The following MYRIP variants were observed in gnomAD, a reference collection of about 807,000 sequenced individuals.
MYRIP encodes rab effector MyRIP.
In MYRIP, 49 loss-of-function variants were observed where a neutral mutation model predicts 98.0. That is an observed-to-expected ratio of 0.50 (90% CI 0.40 to 0.63). MYRIP has a LOEUF of 0.63. MYRIP is among the 30% of genes least tolerant of loss of function. MYRIP has a pLI of 0.00. For missense variants in MYRIP, 1,004 were observed against 1,058.2 expected (o/e 0.95, Z 0.71); for synonymous variants, 404 against 409.5 (o/e 0.99, Z 0.16).
In MYRIP at chr3:40,258,414, G is replaced by A; in HGVS notation, c.*248G>A. ...ATCCAAGACAGAAAATGAAGACACT[G>A]GCTTCCAACAGCAGCGCTCCATGTT... On this transcript the variant is annotated 3_prime_UTR_variant, in exon 17 of 17. Transcript: ENST00000302541. 1 of 473,104 alleles carries A rather than the reference G, an allele frequency of 2.1e-6. No individual in the cohort carries two copies. The highest frequency in any genetic ancestry group is 4.4e-5 in the South Asian group (1 of 22,526). 29.3% of individuals were successfully genotyped at this position (473,104 alleles called of 1,614,324 possible).
intron 1 of MYRIP, among the ~76,000 whole-genome samples, chr3:39,878,593 C>T (rs1943074724): frequency 6.6e-6 from 1 of 151,780 alleles, no homozygotes; most frequent in African/African-American, 2.4e-5. Context: ...TATATATATA[C>T]ATTTGTATGT....
Position 39,831,221 on chromosome 3 carries a change from C to A in MYRIP, c.-31+21305C>A, listed in dbSNP as rs139341686. ...CTTTACCTGTTTATTTATCTTACCT[C>A]CTATAGACTCATCTTGTTTCATGGT... On this transcript the variant is annotated intron_variant, in intron 1 of 16. Transcript: ENST00000302541. 8.5e-3 allele frequency among the ~76,000 whole-genome samples: 1,291 copies of A among 152,224 alleles called. 44 individuals carry two copies. The highest frequency in any genetic ancestry group is 0.066 in the Admixed American group (1,012 of 15,278).
At chr3:40,192,739 C>A (rs1467742066) in intron 10 of MYRIP, among the ~76,000 whole-genome samples, 1 of 152,104 alleles carries the variant, frequency 6.6e-6, no homozygotes, top group Non-Finnish European at 1.5e-5. Flanking sequence ...GATTTTGTTA[C>A]CTGCAACAAG....
At position 39,870,977 on chromosome 3, in the gene MYRIP, G is replaced by A. The variant is rs77557012; in HGVS notation, c.-30-29810G>A. Among the ~76,000 whole-genome samples, 1,508 of 152,292 alleles carry A rather than the reference G, an allele frequency of 9.9e-3. 26 individuals carry two copies. Among genetic ancestry groups the A allele is most frequent in the African/African-American group, 0.035 (1,446 of 41,564 alleles). On this transcript the variant is annotated intron_variant, in intron 1 of 16. Coordinates refer to ENST00000302541, the MANE Select transcript of MYRIP (RefSeq NM_015460.4). The stretch of plus-strand genomic sequence containing the variant: ...ATTCCTGCCAAAGAAAAGATGAAGT[G>A]TATATACTAGCTGAGGATATTATTC...
At chr3:39,865,873 A>T (rs1040908501) in intron 1 of MYRIP, among the ~76,000 whole-genome samples, 1 of 152,210 alleles carries the variant, frequency 6.6e-6, no homozygotes, top group Non-Finnish European at 1.5e-5. Context: ...GTACAGGCAT[A>T]TGTTCATTGC....
intron 11 of MYRIP, among the ~76,000 whole-genome samples, chr3:40,231,480 G>A (rs1482141804): frequency 6.6e-6 from 1 of 152,178 alleles, no homozygotes; most frequent in Non-Finnish European, 1.5e-5. Flanking sequence ...TCTCACAGGA[G>A]GTATTCCAGG....
intron 3 of MYRIP, among the ~76,000 whole-genome samples, chr3:40,135,192 C>T (rs1949737266): frequency 6.6e-6 from 1 of 152,054 alleles, no homozygotes; most frequent in African/African-American, 2.4e-5. Flanking sequence ...CCTTAAAGGA[C>T]CTGATGGAGC....
chr3:40,243,400 TA>T (rs10655936), intron 12 of MYRIP, among the ~76,000 whole-genome samples: 57 of 135,092 alleles, frequency 4.2e-4, no homozygotes, highest in Admixed American at 5.2e-4. Flanking sequence ...TCACTAAGTG[TA>T]AAAAAAAAAA....
chr3:39,997,109 T>C (rs1432562034), intron 2 of MYRIP, among the ~76,000 whole-genome samples: 2 of 151,898 alleles, frequency 1.3e-5, no homozygotes, highest in African/African-American at 4.8e-5. Context: ...CACCCTAACA[T>C]CACAATTAAA....
At chr3:40,199,498 G>A (rs1362658529) in intron 10 of MYRIP, among the ~76,000 whole-genome samples, 1 of 152,156 alleles carries the variant, frequency 6.6e-6, no homozygotes, top group Non-Finnish European at 1.5e-5. Flanking sequence ...ACAAGTGCTT[G>A]TGAGGCATGC....
At chr3:40,170,136 G>T in intron 8 of MYRIP, 43 bp downstream of exon 8, 3 of 1,605,764 alleles carry the variant, frequency 1.9e-6, no homozygotes, top group Non-Finnish European at 2.6e-6. Flanking sequence ...ACACGTGCAG[G>T]TCTGGGGCAC....
intron 4 of MYRIP, among the ~76,000 whole-genome samples, chr3:40,159,673 TCTTGGAGG>T (rs1258501785): frequency 6.6e-6 from 1 of 152,160 alleles, no homozygotes; most frequent in Admixed American, 6.5e-5. Flanking sequence ...GTCCCATATT[TCTTGGAGG>T]CTTTGCTCAT....
In MYRIP at chr3:40,251,794, C is replaced by G. The variant is rs976097108; in HGVS notation, c.2429-87C>G. On this transcript the variant is annotated intron_variant, in intron 15 of 16. Transcript: ENST00000302541. ...GAGATTCCAAGTCTAGAACAAAAGTCTGAGTAATCTGGCCACCTTGTTTTT... is the reference window on the plus strand; with the variant it reads ...GAGATTCCAAGTCTAGAACAAAAGTGTGAGTAATCTGGCCACCTTGTTTTT... The G allele has an allele frequency of 1.1e-5, 9 of 855,452 alleles. No homozygotes were observed. In the African/African-American group the frequency reaches 1.5e-4, roughly 14 times the overall value. 53.0% of individuals were successfully genotyped at this position (855,452 alleles called of 1,614,324 possible). A position where few individuals can be genotyped will look rare whatever the true frequency, so the allele number is the denominator to read the frequency against.
At chr3:40,146,772 C>T (rs1169744538) in intron 3 of MYRIP, among the ~76,000 whole-genome samples, 7 of 152,208 alleles carry the variant, frequency 4.6e-5, no homozygotes, top group African/African-American at 9.6e-5. Context: ...TTTGCATGCA[C>T]GTATGCACAC....
chr3:40,062,646 T>C (rs11706046), intron 3 of MYRIP, among the ~76,000 whole-genome samples: 44,017 of 152,132 alleles, frequency 0.29, 6,451 homozygotes, highest in East Asian at 0.36. Flanking sequence ...ATAAAATGAC[T>C]GTGCTTTACA....
At chr3:40,126,206 T>A (rs965558960) in intron 3 of MYRIP, among the ~76,000 whole-genome samples, 1 of 152,198 alleles carries the variant, frequency 6.6e-6, no homozygotes, top group African/African-American at 2.4e-5. Flanking sequence ...AGAAGTTATC[T>A]GAAATGCCCA....
chr3:40,123,393 A>AG lies in MYRIP; in HGVS notation c.333-27655_333-27654insG, dbSNP rs1949446784. Among the ~76,000 whole-genome samples, 3 of 152,330 alleles carry AG rather than the reference A, an allele frequency of 2.0e-5. No homozygotes were observed. In the South Asian group the frequency reaches 6.2e-4, roughly 32 times the overall value. The stretch of plus-strand genomic sequence containing the variant: ...CAAACATGGGCAGTTCTCTGACTGA[A>AG]AATGGGGCCTCAGCTGGGAGGACTC... On this transcript the variant is annotated intron_variant, in intron 3 of 16. Transcript: ENST00000302541.
intron 3 of MYRIP, among the ~76,000 whole-genome samples, chr3:40,110,970 A>T (rs536645475): frequency 2.0e-5 from 3 of 152,028 alleles, no homozygotes; most frequent in Admixed American, 6.6e-5. Context: ...TCAATTGCGC[A>T]TCTTAATTTC....
intron 1 of MYRIP, among the ~76,000 whole-genome samples, chr3:39,858,708 G>A (rs1942376906): frequency 6.6e-6 from 1 of 152,006 alleles, no homozygotes; most frequent in African/African-American, 2.4e-5. Flanking sequence ...GACCACAATG[G>A]TATGAAACTA....
Sources: gnomAD v4.1 joint callset for allele counts (sites outside exome capture counted in the v4.1 genomes callset) on GRCh38, gnomAD v4.1.1 for gene constraint, MANE v1.5 for transcripts, NCBI Gene and HGNC (gene_info 2026-07-23, HGNC 2026-07-21) for gene names.